The following SPTA1 variants were observed in gnomAD, a reference collection of about 807,000 sequenced individuals.
SPTA1 encodes the protein spectrin alpha chain, erythrocytic 1.
In SPTA1, 177 loss-of-function variants were observed where a neutral mutation model predicts 324.7. That is an observed-to-expected ratio of 0.55 (90% CI 0.48 to 0.62). The LOEUF is 0.62. Ranked by LOEUF, SPTA1 falls within the 20% of genes least tolerant of loss-of-function variation. SPTA1 has a pLI of 0.00. For missense variants in SPTA1, 3,162 were observed against 2,883.6 expected (o/e 1.10, Z -2.21); for synonymous variants, 1,195 against 1,041.3 (o/e 1.15, Z -2.84).
At chr1:158,629,234 G>T (rs1438831983) in intron 39 of SPTA1, among the ~76,000 whole-genome samples, 2 of 145,434 alleles carry the variant, frequency 1.4e-5, no homozygotes, top group Non-Finnish European at 1.5e-5. Context: ...TCTGAATATA[G>T]AGGGCCTAAT....
chr1:158,686,642 GAA>G lies in SPTA1; in HGVS notation c.-127_-126del. 8 of 558,928 alleles carry G rather than the reference GAA, an allele frequency of 1.4e-5. No individual in the cohort carries two copies. Among genetic ancestry groups the G allele is most frequent in the Admixed American group, 2.9e-5 (1 of 34,058 alleles). 34.6% of individuals were successfully genotyped at this position (558,928 alleles called of 1,614,324 possible). On this transcript the variant is annotated 5_prime_UTR_variant, in exon 1 of 52. It introduces an in-frame stop codon into an upstream open reading frame of the 5' UTR. Coordinates refer to ENST00000643759, the MANE Select transcript of SPTA1 (RefSeq NM_003126.4). The stretch of plus-strand genomic sequence containing the variant: ...ATATAGAAACGTTAAGTATGTGGGG[GAA>G]AAAAAAAAACCTCTTGCTTGGTCCT...
chr1:158,678,577 T>A, intron 5 of SPTA1, 43 bp from the exon 6 acceptor site: 1 of 1,604,572 alleles, frequency 6.2e-7, no homozygotes, highest in Non-Finnish European at 8.5e-7. Flanking sequence ...GAGATGAGAT[T>A]ATATTTAAAA....
intron 39 of SPTA1, among the ~76,000 whole-genome samples, chr1:158,632,753 A>G (rs1344988780): frequency 7.2e-6 from 1 of 138,586 alleles, no homozygotes; most frequent in African/African-American, 2.9e-5. Context: ...CAGGAAAGGA[A>G]TTTGGCTTTT....
intron 38 of SPTA1, 65 bp from the exon 39 acceptor site, chr1:158,634,740 G>C: frequency 6.3e-7 from 1 of 1,596,720 alleles, no homozygotes; most frequent in South Asian, 1.1e-5. Flanking sequence ...GAGTACAGTG[G>C]GGTGGCACAA....
intron 31 of SPTA1, 89 bp from the exon 32 acceptor site, chr1:158,643,065 T>G: frequency 6.4e-7 from 1 of 1,551,786 alleles, no homozygotes; most frequent in Non-Finnish European, 8.8e-7. Context: ...TTTGCCAACA[T>G]GCCTCTTTTC....
chr1:158,680,222 CT>C (rs1161075064), intron 5 of SPTA1, among the ~76,000 whole-genome samples: 10 of 152,162 alleles, frequency 6.6e-5, no homozygotes, highest in Admixed American at 6.6e-4. Flanking sequence ...TGCTCTGCTA[CT>C]TTATTTTTGT....
intron 27 of SPTA1, among the ~76,000 whole-genome samples, chr1:158,645,833 C>A (rs1382001290): frequency 6.6e-6 from 1 of 152,130 alleles, no homozygotes; most frequent in African/African-American, 2.4e-5. Context: ...AGTAATCCTG[C>A]AGAGATTCCG....
At chr1:158,638,555 T>G (rs947229803) in intron 35 of SPTA1, among the ~76,000 whole-genome samples, 1 of 152,008 alleles carries the variant, frequency 6.6e-6, no homozygotes, top group African/African-American at 2.4e-5. Context: ...CGGTGGCTCA[T>G]GCCTGTAATC....
intron 4 of SPTA1, among the ~76,000 whole-genome samples, chr1:158,681,102 A>AT (rs1278551142): frequency 6.6e-6 from 1 of 152,200 alleles, no homozygotes; most frequent in Non-Finnish European, 1.5e-5. Flanking sequence ...AGTCCTAACT[A>AT]TTAAATTATT....
chr1:158,627,779 A>C, intron 39 of SPTA1, 56 bp from the exon 40 acceptor site: 1 of 1,534,116 alleles, frequency 6.5e-7, no homozygotes, highest in South Asian at 1.1e-5. Context: ...ATCTATATTC[A>C]CTCATATTCA....
At chr1:158,627,474 CA>C in intron 40 of SPTA1, 150 bp downstream of exon 40, 1 of 767,532 alleles carries the variant, frequency 1.3e-6, no homozygotes. Flanking sequence ...TTGCTAACCA[CA>C]ACAACAACAA....
In SPTA1 at chr1:158,639,630, G is replaced by T. The variant is rs767312094; in HGVS notation, c.4932C>A (p.Asn1644Lys). The part of the protein sequence containing the change: ...DQARDLASAG[N>K]LLKKHQLLER... ...CCAATAGCTGATGCTTCTTGAGTAGGTTTCCTGCTGAAGCCAAGTCCCTGG... is the reference window on the plus strand; with the variant it reads ...CCAATAGCTGATGCTTCTTGAGTAGTTTTCCTGCTGAAGCCAAGTCCCTGG... The change falls in exon 35 of 52, where the codon AAC becomes AAA. Residue 1644 changes from asparagine to lysine, a missense_variant. Coordinates refer to ENST00000643759, the MANE Select transcript of SPTA1 (RefSeq NM_003126.4). The T allele has an allele frequency of 2.5e-6, 4 of 1,613,806 alleles. No individual in the cohort carries two copies. Among genetic ancestry groups the T allele is most frequent in the Non-Finnish European group, 3.4e-6 (4 of 1,179,902 alleles).
chr1:158,612,775 A>G (rs771569015), intron 51 of SPTA1, 42 bp downstream of exon 51: 1 of 1,612,742 alleles, frequency 6.2e-7, no homozygotes, highest in South Asian at 1.1e-5. Flanking sequence ...CAGAATTCAA[A>G]TTAGGATGAC....
At chr1:158,643,479 C>A (rs1651767440) in intron 30 of SPTA1, 54 bp from the exon 31 acceptor site, 3 of 1,491,594 alleles carry the variant, frequency 2.0e-6, no homozygotes, top group Non-Finnish European at 2.8e-6. Flanking sequence ...GCTCTTGGTG[C>A]AATCCCAGAC....
intron 4 of SPTA1, 26 bp from the exon 5 acceptor site, chr1:158,680,755 T>A: frequency 6.2e-7 from 1 of 1,613,004 alleles, no homozygotes. Context: ...TTGATTGAGT[T>A]GCCAGCAAAC....
intron 25 of SPTA1, among the ~76,000 whole-genome samples, chr1:158,648,862 T>A (rs1480163107): frequency 6.6e-6 from 1 of 150,706 alleles, no homozygotes; most frequent in East Asian, 2.0e-4. Flanking sequence ...ACTATTACTA[T>A]TCCCATTAAA....
At chr1:158,682,733 G>A (rs1654899488) in intron 3 of SPTA1, among the ~76,000 whole-genome samples, 1 of 152,138 alleles carries the variant, frequency 6.6e-6, no homozygotes, top group African/African-American at 2.4e-5. Context: ...CAAACATTTG[G>A]AAGAGTTCGT....
At chr1:158,620,535 G>T (rs1649842281) in intron 43 of SPTA1, 69 bp from the exon 44 acceptor site, 2 of 1,588,450 alleles carry the variant, frequency 1.3e-6, no homozygotes, top group Non-Finnish European at 1.7e-6. Flanking sequence ...GAAGATTGAG[G>T]ATAAAAATAA....
At position 158,675,498 on chromosome 1, in the gene SPTA1, G is replaced by C. The variant is rs537593888; in HGVS notation, c.1112+643C>G. On this transcript the variant is annotated intron_variant, in intron 8 of 51. Transcript: ENST00000643759. The stretch of plus-strand genomic sequence containing the variant: ...TGATCACAGGAGTCTCCCTTTATTT[G>C]TGGGAGATACATTTCAATATGCCCA... 8.5e-4 allele frequency among the ~76,000 whole-genome samples: 129 copies of C among 152,202 alleles called. 1 individual carries two copies. In the East Asian group the frequency reaches 9.1e-3, roughly 11 times the overall value.
Sources: allele counts gnomAD v4.1 joint callset (sites outside exome capture counted in the v4.1 genomes callset), GRCh38; gene constraint gnomAD v4.1.1; transcripts MANE v1.5; gene names NCBI Gene and HGNC (gene_info 2026-07-23, HGNC 2026-07-21).